ANKS1B: variants seen among roughly 807,000 people sequenced by gnomAD.
The protein encoded by ANKS1B is ankyrin repeat and sterile alpha motif domain containing 1B.
Under a neutral mutation model 148.3 loss-of-function variants are expected in ANKS1B, and 36 were observed. The ratio of observed to expected loss-of-function variants is 0.24; its 90% CI spans 0.19 to 0.32. The LOEUF (loss-of-function observed/expected upper bound fraction) is 0.32, where lower values mean the gene tolerates loss of function less well. Among genes scored for constraint, ANKS1B ranks in the 10% least tolerant of loss-of-function variants. The pLI is 1.00. For synonymous variants in ANKS1B, 542 were observed against 560.8 expected, an observed-to-expected ratio of 0.97 and a Z score of 0.47; for missense variants, 1,157 against 1,542.6, an observed-to-expected ratio of 0.75 and a Z score of 4.19.
intron 14 of ANKS1B, among the ~76,000 whole-genome samples, chr12:99,155,368 G>A (rs529986618): frequency 9.2e-5 from 14 of 152,118 alleles, no homozygotes; most frequent in African/African-American, 3.1e-4. Context: ...GCAAAATACA[G>A]AAACTGCATC....
chr12:99,598,122 T>C (rs1487409893), intron 9 of ANKS1B, among the ~76,000 whole-genome samples: 1 of 152,064 alleles, frequency 6.6e-6, no homozygotes, highest in Non-Finnish European at 1.5e-5. Context: ...TGAGAGCTAA[T>C]ACATTGCCAC....
chr12:98,872,563 T>C (rs2099674229), intron 17 of ANKS1B, among the ~76,000 whole-genome samples: 2 of 152,036 alleles, frequency 1.3e-5, no homozygotes, highest in Non-Finnish European at 2.9e-5. Context: ...GAGAGCTAAT[T>C]AAGTTAACAT....
intron 19 of ANKS1B, among the ~76,000 whole-genome samples, chr12:98,824,122 GTGT>G (rs753293337): frequency 1.0e-3 from 152 of 152,196 alleles, no homozygotes; most frequent in Middle Eastern, 3.4e-3. Context: ...CAATAATAAC[GTGT>G]TATTACCATA....
At chr12:99,423,825 TG>T (rs1465787817) in intron 11 of ANKS1B, among the ~76,000 whole-genome samples, 1 of 151,970 alleles carries the variant, frequency 6.6e-6, no homozygotes, top group African/African-American at 2.4e-5. Context: ...TAACACACAC[TG>T]GGACCTATTG....
At chr12:99,432,746 TAA>T (rs1355333497) in intron 11 of ANKS1B, among the ~76,000 whole-genome samples, 1 of 152,190 alleles carries the variant, frequency 6.6e-6, no homozygotes, top group Non-Finnish European at 1.5e-5. Context: ...TTAGCAGTGT[TAA>T]GTCTCTGGGA....
intron 12 of ANKS1B, among the ~76,000 whole-genome samples, chr12:99,337,684 A>C (rs1227375322): frequency 6.6e-6 from 1 of 152,160 alleles, no homozygotes; most frequent in Non-Finnish European, 1.5e-5. Context: ...ATGTAATTTA[A>C]GACTTTGGTT....
intron 8 of ANKS1B, among the ~76,000 whole-genome samples, chr12:99,717,839 A>G (rs1417872455): frequency 1.3e-5 from 2 of 150,660 alleles, no homozygotes; most frequent in Non-Finnish European, 2.9e-5. Flanking sequence ...GTGGGTAGTG[A>G]CGGCCAGGCT....
Position 99,742,236 on chromosome 12 carries a change from T to C in ANKS1B, c.1128+30686A>G, listed in dbSNP as rs147378354. ...TAGCTATGTAACAAACCTGCACATG[T>C]ACCCCTGAACTTAAAAGAAAAAAAA... On this transcript the variant is annotated intron_variant, in intron 8 of 26. Coordinates refer to ENST00000683438, the MANE Select transcript of ANKS1B (RefSeq NM_001352186.2). Among the ~76,000 whole-genome samples, 29 of 150,824 alleles carry C rather than the reference T, an allele frequency of 1.9e-4. No individual in the cohort carries two copies. The East Asian group carries it at 5.7e-3, about 30-fold the overall frequency.
chr12:99,313,332 A>G (rs1015795932), intron 12 of ANKS1B, among the ~76,000 whole-genome samples: 19 of 152,220 alleles, frequency 1.2e-4, no homozygotes, highest in African/African-American at 3.9e-4. Flanking sequence ...GAATTCTACC[A>G]GAAGTACAAA....
chr12:99,092,146 T>C (rs1488188045), intron 15 of ANKS1B, among the ~76,000 whole-genome samples: 1 of 152,084 alleles, frequency 6.6e-6, no homozygotes, highest in Non-Finnish European at 1.5e-5. Flanking sequence ...GGGGGGTTTC[T>C]AGTTTCTAGT....
At chr12:99,613,720 G>T (rs73383774) in intron 9 of ANKS1B, among the ~76,000 whole-genome samples, 1,742 of 152,126 alleles carry the variant, frequency 0.011, 40 homozygotes, top group African/African-American at 0.04. Flanking sequence ...AGGGTAGGAG[G>T]AGGGAGAGGA....
intron 17 of ANKS1B, among the ~76,000 whole-genome samples, chr12:98,896,256 A>C (rs148832525): frequency 6.6e-6 from 1 of 152,368 alleles, no homozygotes; most frequent in East Asian, 1.9e-4. Context: ...ACTGCCTTGA[A>C]AGCAAAGCAA....
chr12:99,871,413 T>C (rs895168924), intron 1 of ANKS1B, among the ~76,000 whole-genome samples: 2 of 152,194 alleles, frequency 1.3e-5, no homozygotes, highest in African/African-American at 4.8e-5. Context: ...TAGTTCCACA[T>C]GAATTTTAGA....
chr12:99,124,867 A>G (rs886575970), intron 15 of ANKS1B, among the ~76,000 whole-genome samples: 1 of 152,232 alleles, frequency 6.6e-6, no homozygotes, highest in East Asian at 1.9e-4. Flanking sequence ...GATAGGTCAT[A>G]TAAAATGAGG....
At chr12:99,357,358 A>T (rs891264182) in intron 12 of ANKS1B, among the ~76,000 whole-genome samples, 21 of 152,084 alleles carry the variant, frequency 1.4e-4, no homozygotes, top group Non-Finnish European at 2.4e-4. Context: ...ACTTTGCATT[A>T]TACCCATCCC....
intron 10 of ANKS1B, among the ~76,000 whole-genome samples, chr12:99,490,905 G>A (rs2096548409): frequency 6.6e-6 from 1 of 152,232 alleles, no homozygotes; most frequent in Non-Finnish European, 1.5e-5. Context: ...GAGACTACAA[G>A]CATTACGTAA....
rs2099283428 is a variant in ANKS1B, at chr12:98,829,946, T to C, written c.2887-593A>G. ...GGGGGCATAGACAGCTCAGCTCTAC[T>C]ATTTGCAAGTAGAATGAGGATTGGG... is the stretch of plus-strand genomic sequence containing the variant. On this transcript the variant is annotated intron_variant, in intron 18 of 26. Transcript: ENST00000683438. This position sits in a 1 kb window ranked among gnomAD's most constrained non-coding sequence, Gnocchi z 5.2. Among the ~76,000 whole-genome samples the C allele has an allele frequency of 1.3e-5, 2 of 152,322 alleles. No individual in the cohort carries two copies. The highest frequency in any genetic ancestry group is 3.4e-3 in the Middle Eastern group (1 of 294).
At chr12:98,902,583 A>G (rs901693210) in intron 17 of ANKS1B, among the ~76,000 whole-genome samples, 2 of 152,204 alleles carry the variant, frequency 1.3e-5, no homozygotes, top group Non-Finnish European at 1.5e-5. Context: ...AATATACAGA[A>G]AAAAAGTCCA....
intron 11 of ANKS1B, among the ~76,000 whole-genome samples, chr12:99,413,051 CCAAA>C (rs1244398529): frequency 8.6e-5 from 13 of 151,988 alleles, no homozygotes; most frequent in African/African-American, 2.9e-4. Flanking sequence ...TAGATTATGG[CCAAA>C]CATAGACAAA....
Sources: gnomAD v4.1 joint callset for allele counts (sites outside exome capture counted in the v4.1 genomes callset) on GRCh38, gnomAD v4.1.1 for gene constraint, Gnocchi (gnomAD v3.1) non-coding constraint, MANE v1.5 for transcripts, NCBI Gene and HGNC (gene_info 2026-07-23, HGNC 2026-07-21) for gene names.